CNTNAP2: variants seen among roughly 807,000 people sequenced by gnomAD.
CNTNAP2 encodes the protein contactin associated protein 2.
Under a neutral mutation model 155.2 loss-of-function variants are expected in CNTNAP2, and 98 were observed. That is an observed-to-expected ratio of 0.63 (90% CI 0.54 to 0.75). The LOEUF (loss-of-function observed/expected upper bound fraction) is 0.75, where lower values mean the gene tolerates loss of function less well. Ranked by LOEUF, CNTNAP2 falls within the 30% of genes least tolerant of loss-of-function variation. The pLI, the probability that CNTNAP2 is intolerant of heterozygous loss-of-function variation, is 0.00. For synonymous variants in CNTNAP2, 651 were observed against 631.2 expected, an observed-to-expected ratio of 1.03 and a Z score of -0.47; for missense variants, 1,727 against 1,688.1, an observed-to-expected ratio of 1.02 and a Z score of -0.40.
At chr7:146,909,127 T>A (rs368109935) in intron 3 of CNTNAP2, among the ~76,000 whole-genome samples, 1 of 152,018 alleles carries the variant, frequency 6.6e-6, no homozygotes, top group Admixed American at 6.6e-5. Context: ...TCTGAATAGA[T>A]CAATAACAGG....
chr7:147,026,413 A>C (rs1444863644), intron 3 of CNTNAP2, among the ~76,000 whole-genome samples: 1 of 152,184 alleles, frequency 6.6e-6, no homozygotes, highest in Non-Finnish European at 1.5e-5. Flanking sequence ...ATCTAAATAA[A>C]TGAAAAACAT....
intron 21 of CNTNAP2, among the ~76,000 whole-genome samples, chr7:148,303,238 G>A (rs868464395): frequency 2.6e-5 from 4 of 152,244 alleles, no homozygotes; most frequent in Middle Eastern, 3.4e-3. Context: ...GGATTTCCTT[G>A]AGCTCATAAA....
chr7:146,579,569 A>G (rs548442602), intron 1 of CNTNAP2, among the ~76,000 whole-genome samples: 10 of 152,240 alleles, frequency 6.6e-5, no homozygotes, highest in African/African-American at 2.2e-4. Context: ...AAGCTTTCAC[A>G]TCAGTCTAAC....
At position 147,307,369 on chromosome 7, in the gene CNTNAP2, G is replaced by C. The variant is rs73469205; in HGVS notation, c.1498+7079G>C. Among the ~76,000 whole-genome samples the C allele has an allele frequency of 7.0e-3, 1,061 of 152,194 alleles. 13 individuals are homozygous for C. Among genetic ancestry groups the C allele is most frequent in the African/African-American group, 0.024 (1,015 of 41,538 alleles). ...GGAGGCCGAGGCGGGCAGATCACCT[G>C]AGGTCAGGCCCCAGCCTGGCCAATA... On this transcript the variant is annotated intron_variant, in intron 9 of 23. Coordinates refer to ENST00000361727, the MANE Select transcript of CNTNAP2 (RefSeq NM_014141.6).
chr7:146,977,136 A>G (rs936688564), intron 3 of CNTNAP2, among the ~76,000 whole-genome samples: 1 of 152,192 alleles, frequency 6.6e-6, no homozygotes, highest in Non-Finnish European at 1.5e-5. Flanking sequence ...ATACATATAT[A>G]AAAAACATAA....
intron 18 of CNTNAP2, among the ~76,000 whole-genome samples, chr7:148,187,147 CAA>C (rs1554401892): frequency 6.0e-5 from 4 of 67,098 alleles, no homozygotes; most frequent in Non-Finnish European, 2.0e-4. Context: ...CACACACACA[CAA>C]ACAGAGCCAG....
intron 1 of CNTNAP2, among the ~76,000 whole-genome samples, chr7:146,386,271 A>C (rs1477601851): frequency 6.6e-6 from 1 of 152,190 alleles, no homozygotes; most frequent in Non-Finnish European, 1.5e-5. Flanking sequence ...ATATATCAAA[A>C]GTTTGAATTA....
At chr7:146,931,992 G>A (rs1331998029) in intron 3 of CNTNAP2, among the ~76,000 whole-genome samples, 5 of 151,020 alleles carry the variant, frequency 3.3e-5, no homozygotes, top group Admixed American at 6.6e-5. Context: ...ATTCACAGCC[G>A]AATTCTACCA....
chr7:146,406,948 A>G (rs1286844124), intron 1 of CNTNAP2, among the ~76,000 whole-genome samples: 2 of 152,196 alleles, frequency 1.3e-5, no homozygotes, highest in African/African-American at 2.4e-5. Flanking sequence ...AAAAGCTGTT[A>G]CAAAGTTAGT....
intron 21 of CNTNAP2, among the ~76,000 whole-genome samples, chr7:148,306,693 G>T (rs867677098): frequency 6.6e-6 from 1 of 151,708 alleles, no homozygotes; most frequent in South Asian, 2.1e-4. Context: ...TATTAATGAC[G>T]GTTTTCTCCC....
In CNTNAP2 at chr7:146,712,875, A is replaced by AT. The variant is rs528368860; in HGVS notation, c.98-61387dup. Among the ~76,000 whole-genome samples the AT allele has an allele frequency of 8.9e-4, 133 of 149,956 alleles. 3 individuals are homozygous for AT. The South Asian group carries it at 0.024, about 28-fold the overall frequency. On this transcript the variant is annotated intron_variant, in intron 1 of 23. Transcript: ENST00000361727. Reference sequence around the variant, plus strand: ...ATACATTTTAGATGGTCTGCTTGGGATTTTTTTTTGCCTTATATTTTTCTA... The same window carrying AT: ...ATACATTTTAGATGGTCTGCTTGGGATTTTTTTTTTGCCTTATATTTTTCTA...
chr7:148,059,775 A>G (rs570689073), intron 15 of CNTNAP2, among the ~76,000 whole-genome samples: 6 of 149,314 alleles, frequency 4.0e-5, no homozygotes, highest in African/African-American at 1.5e-4. Flanking sequence ...TTATATATAT[A>G]TATTTAGTAA....
intron 13 of CNTNAP2, 124 bp downstream of exon 13, chr7:147,639,430 A>G (rs1795239289): frequency 2.3e-6 from 2 of 875,814 alleles, no homozygotes; most frequent in African/African-American, 1.7e-5. Context: ...GGAAGCTGTA[A>G]ATAAGTAAAA....
intron 3 of CNTNAP2, among the ~76,000 whole-genome samples, chr7:146,907,783 C>G (rs978200350): frequency 6.6e-5 from 10 of 150,798 alleles, no homozygotes; most frequent in Admixed American, 1.3e-4. Flanking sequence ...ATGACAGGAT[C>G]AAATTCACAC....
At chr7:148,300,202 T>C (rs1797357915) in intron 21 of CNTNAP2, among the ~76,000 whole-genome samples, 1 of 152,236 alleles carries the variant, frequency 6.6e-6, no homozygotes, top group Non-Finnish European at 1.5e-5. Flanking sequence ...TGACATTGGA[T>C]TCTTAAAAGC....
In CNTNAP2 at chr7:147,233,863, A is replaced by T. The variant is rs557122187; in HGVS notation, c.1349-66278A>T. ...ATATTTTGATTTACTATCAGTCTTG[A>T]TCATATTATTTCCATGACAGTAATT... is the stretch of plus-strand genomic sequence containing the variant. On this transcript the variant is annotated intron_variant, in intron 8 of 23. Coordinates refer to ENST00000361727, the MANE Select transcript of CNTNAP2 (RefSeq NM_014141.6). Among the ~76,000 whole-genome samples, 53 of 152,134 alleles carry T rather than the reference A, an allele frequency of 3.5e-4. No homozygotes were observed. The South Asian group carries it at 0.011, about 30-fold the overall frequency.
intron 1 of CNTNAP2, among the ~76,000 whole-genome samples, chr7:146,361,533 C>G (rs965511059): frequency 6.6e-6 from 1 of 152,214 alleles, no homozygotes; most frequent in Non-Finnish European, 1.5e-5. Flanking sequence ...TAAATTAACT[C>G]TTCCAGTGCT....
At chr7:147,041,000 A>T (rs987356065) in intron 3 of CNTNAP2, among the ~76,000 whole-genome samples, 19 of 151,964 alleles carry the variant, frequency 1.3e-4, no homozygotes, top group Non-Finnish European at 5.9e-5. Flanking sequence ...TTATTTATTT[A>T]TTGCCCCTAC....
At chr7:147,176,316 G>T (rs1484106902) in intron 8 of CNTNAP2, among the ~76,000 whole-genome samples, 1 of 152,084 alleles carries the variant, frequency 6.6e-6, no homozygotes, top group Non-Finnish European at 1.5e-5. Context: ...GATTAAGTTA[G>T]TATTATAGTT....
Sources: allele counts gnomAD v4.1 joint callset (sites outside exome capture counted in the v4.1 genomes callset), GRCh38; gene constraint gnomAD v4.1.1; transcripts MANE v1.5; gene names NCBI Gene and HGNC (gene_info 2026-07-23, HGNC 2026-07-21).